Variants in BRWD1 observed in about 807,000 individuals in gnomAD.
The protein encoded by BRWD1 is bromodomain and WD repeat-containing protein 1.
BRWD1 carries 82 observed loss-of-function variants against 251.2 expected under a neutral mutation model. That is an observed-to-expected ratio of 0.33 (90% CI 0.27 to 0.39). The LOEUF is 0.39. Ranked by LOEUF, BRWD1 falls within the 10% of genes least tolerant of loss-of-function variation. BRWD1 has a pLI of 1.00. For missense variants in BRWD1, 2,233 were observed against 2,711.6 expected (o/e 0.82, Z 3.92); for synonymous variants, 918 against 902.8 (o/e 1.02, Z -0.30).
intron 4 of BRWD1, among the ~76,000 whole-genome samples, chr21:39,302,263 C>T (rs1404542576): frequency 1.3e-5 from 2 of 151,912 alleles, no homozygotes; most frequent in East Asian, 3.9e-4. Context: ...GGATTACAGG[C>T]GTGAGCCACC....
At chr21:39,246,067 A>G (rs1057031455) in intron 21 of BRWD1, among the ~76,000 whole-genome samples, 1 of 152,200 alleles carries the variant, frequency 6.6e-6, no homozygotes, top group Admixed American at 6.5e-5. Flanking sequence ...AATGTCATCA[A>G]TATTTAAAAC....
Position 39,210,818 on chromosome 21 carries a change from A to G in BRWD1, c.4012T>C (p.Phe1338Leu), listed in dbSNP as rs776530088. 6.2e-7 allele frequency: 1 copy of G among 1,610,388 alleles called. No individual in the cohort carries two copies. The highest frequency in any genetic ancestry group is 8.5e-7 in the Non-Finnish European group (1 of 1,178,792). Residue 1338 changes from phenylalanine (F) to leucine (L), a missense_variant, in exon 35 of 41, where the codon TTT becomes CTT. Transcript: ENST00000342449. ...TCAACCAAATCAACAGGTTGTCTAA[A>G]TGGTTCAGAATCTTCACACTGAAAA... Reference protein sequence around the residue: ...LIFQCEDSEPFRQPVDLVEYP... With the variant: ...LIFQCEDSEPLRQPVDLVEYP...
At chr21:39,297,207 A>C (rs188875334) in intron 5 of BRWD1, 4 of 985,318 alleles carry the variant, frequency 4.1e-6, no homozygotes, top group Non-Finnish European at 4.8e-6. Context: ...TAGTTTCTTC[A>C]TAACTCAAAG....
chr21:39,262,576 G>A (rs889380893), intron 17 of BRWD1, among the ~76,000 whole-genome samples: 1 of 152,260 alleles, frequency 6.6e-6, no homozygotes, highest in South Asian at 2.1e-4. Flanking sequence ...TTAGCTGGGT[G>A]TGGTGGCACA....
At chr21:39,218,474 A>C in intron 30 of BRWD1, 31 bp downstream of exon 30, 1 of 1,545,032 alleles carries the variant, frequency 6.5e-7, no homozygotes, top group South Asian at 1.2e-5. Flanking sequence ...TTGAAAAAAA[A>C]ACTTTTCATC....
intron 13 of BRWD1, among the ~76,000 whole-genome samples, chr21:39,272,305 T>TTAA (rs1445570866): frequency 1.8e-5 from 2 of 110,128 alleles, no homozygotes; most frequent in African/African-American, 6.3e-5. Flanking sequence ...AAAACTTAAA[T>TTAA]AAATAAAAAA....
At chr21:39,241,473 T>TAAA (rs61488970) in intron 21 of BRWD1, among the ~76,000 whole-genome samples, 28 of 44,918 alleles carry the variant, frequency 6.2e-4, no homozygotes, top group African/African-American at 9.1e-4. Flanking sequence ...ATCTCCAAAG[T>TAAA]AAAAAAAAAA....
chr21:39,190,422 G>A lies in BRWD1; in HGVS notation c.*5837C>T, dbSNP rs2031492030. 4.1e-6 allele frequency: 4 copies of A among 985,322 alleles called. No individual in the cohort carries two copies. The South Asian group carries it at 1.4e-4, about 35-fold the overall frequency. The allele number at this position is 985,322 out of a possible 1,614,324, so 61.0% of individuals were successfully genotyped here. ...GAGAAAAGAATGTCTGACTCAAAAT[G>A]AAAACATACTAGCCTCTTTCATAAA... On this transcript the variant is annotated 3_prime_UTR_variant, in exon 41 of 41. Transcript: ENST00000342449.
chr21:39,206,072 T>G, intron 37 of BRWD1, 36 bp downstream of exon 37: 1 of 1,572,208 alleles, frequency 6.4e-7, no homozygotes, highest in Non-Finnish European at 8.6e-7. Context: ...CAAAATTAAA[T>G]AAATAAATAA....
chr21:39,313,561 C>G lies in BRWD1; in HGVS notation c.-70G>C, dbSNP rs976419114. 1.3e-5 allele frequency: 16 copies of G among 1,232,276 alleles called. No homozygotes were observed. Among genetic ancestry groups the G allele is most frequent in the Non-Finnish European group, 1.6e-5 (16 of 976,134 alleles). 76.3% of individuals were successfully genotyped at this position (1,232,276 alleles called of 1,614,324 possible). A position where few individuals can be genotyped will look rare whatever the true frequency, so the allele number is the denominator to read the frequency against. ...CGTGTAGGCCGCGCCGAGGCCTGAC[C>G]GGGCTGGCGTCCCCTCTTCTCAGGC... On this transcript the variant is annotated 5_prime_UTR_variant, in exon 1 of 41. Transcript: ENST00000342449.
At chr21:39,286,209 G>T (rs150087801) in intron 8 of BRWD1, among the ~76,000 whole-genome samples, 2,313 of 151,884 alleles carry the variant, frequency 0.015, 55 homozygotes, top group African/African-American at 0.053. Context: ...TAGTAGAGAT[G>T]GGGTTTCACC....
intron 17 of BRWD1, 33 bp downstream of exon 17, chr21:39,264,427 T>TA: frequency 2.0e-6 from 2 of 1,016,984 alleles, no homozygotes; most frequent in Non-Finnish European, 2.7e-6. Context: ...AAGTACAACT[T>TA]TAAAAAAAAA....
At chr21:39,297,206 C>T in intron 5 of BRWD1, 2 of 985,410 alleles carry the variant, frequency 2.0e-6, no homozygotes, top group Admixed American at 1.2e-4. Flanking sequence ...TTAGTTTCTT[C>T]ATAACTCAAA....
At chr21:39,253,923 T>C (rs2034479024) in intron 19 of BRWD1, among the ~76,000 whole-genome samples, 1 of 152,194 alleles carries the variant, frequency 6.6e-6, no homozygotes, top group Admixed American at 6.5e-5. Context: ...AATTACAAAA[T>C]ATCATTTCTA....
chr21:39,222,348 C>A (rs902294261), intron 29 of BRWD1, among the ~76,000 whole-genome samples: 2 of 152,156 alleles, frequency 1.3e-5, no homozygotes, highest in Non-Finnish European at 2.9e-5. Flanking sequence ...TCATCAATAA[C>A]AAGAAATATC....
chr21:39,222,444 A>G (rs2033215503), intron 29 of BRWD1, among the ~76,000 whole-genome samples: 1 of 152,226 alleles, frequency 6.6e-6, no homozygotes, highest in African/African-American at 2.4e-5. Flanking sequence ...AGGAAAGTAC[A>G]AGGTGAGCCT....
chr21:39,233,161 T>C (rs1469971528), intron 23 of BRWD1, among the ~76,000 whole-genome samples: 1 of 152,070 alleles, frequency 6.6e-6, no homozygotes, highest in South Asian at 2.1e-4. Context: ...GAGAGACCTG[T>C]GTGGCAAGGA....
At chr21:39,249,060 G>T (rs1185684172) in intron 20 of BRWD1, among the ~76,000 whole-genome samples, 1 of 152,012 alleles carries the variant, frequency 6.6e-6, no homozygotes, top group East Asian at 1.9e-4. Context: ...CATGTCCTTT[G>T]CAGCAACATG....
In BRWD1 at chr21:39,192,848, T is replaced by A. The variant is rs1282290370; in HGVS notation, c.*3411A>T. 4.1e-6 allele frequency: 4 copies of A among 984,226 alleles called. No individual in the cohort carries two copies. The African/African-American group carries it at 7.0e-5, about 17-fold the overall frequency. 61.0% of individuals were successfully genotyped at this position (984,226 alleles called of 1,614,324 possible). On this transcript the variant is annotated 3_prime_UTR_variant, in exon 41 of 41. Coordinates refer to ENST00000342449, the MANE Select transcript of BRWD1 (RefSeq NM_033656.4). ...TTCAGTTGGCACAATCAAGTTCAAC[T>A]TGTACTAACAGAAAATATTAAAATT...
Sources: allele counts gnomAD v4.1 joint callset (sites outside exome capture counted in the v4.1 genomes callset), GRCh38; gene constraint gnomAD v4.1.1; transcripts MANE v1.5; gene names NCBI Gene and HGNC (gene_info 2026-07-23, HGNC 2026-07-21).